PCDHGA1: variants seen among roughly 807,000 people sequenced by gnomAD.
PCDHGA1 encodes protocadherin gamma-A1.
Under a neutral mutation model 58.0 loss-of-function variants are expected in PCDHGA1, and 32 were observed. The ratio of observed to expected loss-of-function variants is 0.55; its 90% CI spans 0.42 to 0.74. PCDHGA1 has a LOEUF of 0.74. Ranked by LOEUF, PCDHGA1 falls within the 30% of genes least tolerant of loss-of-function variation. PCDHGA1 has a pLI of 0.00. For synonymous variants in PCDHGA1, 498 were observed against 501.1 expected, an observed-to-expected ratio of 0.99 and a Z score of 0.08; for missense variants, 1,205 against 1,182.3, an observed-to-expected ratio of 1.02 and a Z score of -0.28.
intron 1 of PCDHGA1, among the ~76,000 whole-genome samples, chr5:141,449,762 G>T (rs909809198): frequency 6.6e-6 from 1 of 151,458 alleles, no homozygotes; most frequent in Non-Finnish European, 1.5e-5. Context: ...ACATTTGAGA[G>T]TAAGTTGTAG....
At chr5:141,445,808 T>A (rs1004030960) in intron 1 of PCDHGA1, among the ~76,000 whole-genome samples, 1 of 152,182 alleles carries the variant, frequency 6.6e-6, no homozygotes, top group Non-Finnish European at 1.5e-5. Flanking sequence ...AATAAATAGA[T>A]GAAACTAATA....
chr5:141,362,675 T>C (rs1187670127), intron 1 of PCDHGA1: 1 of 1,249,402 alleles, frequency 8.0e-7, no homozygotes, highest in Admixed American at 2.8e-5. Context: ...TGTGCCTTAA[T>C]TGTCTTAATC....
chr5:141,421,322 T>TC (rs761059925), intron 1 of PCDHGA1: 24 of 1,613,746 alleles, frequency 1.5e-5, no homozygotes, highest in Middle Eastern at 1.6e-4. Flanking sequence ...GCCAGGCAGA[T>TC]CCGATATTCG....
Position 141,491,245 on chromosome 5 carries a change from G to A in PCDHGA1, c.2422-3562G>A, listed in dbSNP as rs1171588507. ...CACAGTGCTGCTGGTTCTGGAGGATGAGGACCCTGAGGAAATGCCCAAATC... is the reference window on the plus strand; with the variant it reads ...CACAGTGCTGCTGGTTCTGGAGGATAAGGACCCTGAGGAAATGCCCAAATC... On this transcript the variant is annotated intron_variant, in intron 1 of 3. Transcript: ENST00000517417. The surrounding 1 kb of genome is among the most constrained non-coding windows in gnomAD (Gnocchi z 6.9). 2 of 1,614,086 alleles carry A rather than the reference G, an allele frequency of 1.2e-6. No individual in the cohort carries two copies. Among genetic ancestry groups the A allele is most frequent in the East Asian group, 4.5e-5 (2 of 44,888 alleles).
At chr5:141,414,472 A>C (rs1039987036) in intron 1 of PCDHGA1, 5 of 1,613,796 alleles carry the variant, frequency 3.1e-6, no homozygotes, top group African/African-American at 1.3e-5. Flanking sequence ...AGATGGGGGA[A>C]GTCCTCCTCT....
At chr5:141,415,895 G>A in intron 1 of PCDHGA1, 1 of 898,210 alleles carries the variant, frequency 1.1e-6, no homozygotes, top group Non-Finnish European at 1.5e-6. Flanking sequence ...CAATTCCTAA[G>A]ACAGACTTCC....
At chr5:141,365,314 T>A in intron 1 of PCDHGA1, 1 of 1,613,862 alleles carries the variant, frequency 6.2e-7, no homozygotes, top group East Asian at 2.2e-5. Context: ...GCGCTCTTGT[T>A]GCCAGCGCTA....
At chr5:141,365,213 G>A in intron 1 of PCDHGA1, 1 of 1,613,930 alleles carries the variant, frequency 6.2e-7, no homozygotes, top group Non-Finnish European at 8.5e-7. Flanking sequence ...TTTCCAACTT[G>A]ATTCCAACCT....
At chr5:141,361,064 A>G in intron 1 of PCDHGA1, 3 of 1,613,918 alleles carry the variant, frequency 1.9e-6, no homozygotes, top group Non-Finnish European at 2.5e-6. Context: ...TTGGATTTTG[A>G]GATTGCAAGT....
chr5:141,403,189 G>A (rs1234686339), intron 1 of PCDHGA1: 2 of 1,613,860 alleles, frequency 1.2e-6, no homozygotes, highest in South Asian at 1.1e-5. Flanking sequence ...CTCTGAACCC[G>A]CGCAGCGGCA....
Position 141,487,295 on chromosome 5 carries a change from T to C in PCDHGA1, c.2422-7512T>C, listed in dbSNP as rs2099642474. The C allele has an allele frequency of 5.6e-6, 9 of 1,614,164 alleles. No individual in the cohort carries two copies. In the East Asian group the frequency reaches 1.3e-4, roughly 24 times the overall value. ...AATTTGCTTTGTCTCCTTTGGCTCA[T>C]TCGTGGCACTACTCTCTAAGTGTCT... On this transcript the variant is annotated intron_variant, in intron 1 of 3. Transcript: ENST00000517417. This position sits in a 1 kb window ranked among gnomAD's most constrained non-coding sequence, Gnocchi z 5.0.
In PCDHGA1 at chr5:141,360,095, C is replaced by G. The variant is rs1402675837; in HGVS notation, c.2421+26990C>G. On this transcript the variant is annotated intron_variant, in intron 1 of 3. Coordinates refer to ENST00000517417, the MANE Select transcript of PCDHGA1 (RefSeq NM_018912.3). Reference sequence around the variant, plus strand: ...CCCGGATTCTGCCATCCCCGGAAGGCTTATTCCTCCTATGGGCAAAGGAGC... The same window carrying G: ...CCCGGATTCTGCCATCCCCGGAAGGGTTATTCCTCCTATGGGCAAAGGAGC... 8 of 1,523,900 alleles carry G rather than the reference C, an allele frequency of 5.2e-6. No individual in the cohort carries two copies. The African/African-American group carries it at 1.1e-4, about 21-fold the overall frequency. The allele number at this position is 1,523,900 out of a possible 1,614,324, so 94.4% of individuals were successfully genotyped here.
At chr5:141,429,361 A>G (rs2097205912) in intron 1 of PCDHGA1, among the ~76,000 whole-genome samples, 1 of 150,698 alleles carries the variant, frequency 6.6e-6, no homozygotes, top group East Asian at 1.9e-4. Context: ...AATGCATGAG[A>G]AAATGGAGAA....
intron 1 of PCDHGA1, among the ~76,000 whole-genome samples, chr5:141,467,758 C>CTCAA (rs933308513): frequency 6.6e-5 from 10 of 152,018 alleles, no homozygotes; most frequent in Admixed American, 5.9e-4. Flanking sequence ...GCCTCACATG[C>CTCAA]TCAAGTGCCC....
rs777988497 is a variant in PCDHGA1, at chr5:141,356,894, C to A, written c.2421+23789C>A. The A allele has an allele frequency of 1.9e-6, 3 of 1,614,214 alleles. No homozygotes were observed. In the South Asian group the frequency reaches 3.3e-5, roughly 18 times the overall value. On this transcript the variant is annotated intron_variant, in intron 1 of 3. Transcript: ENST00000517417. Reference sequence around the variant, plus strand: ...GACAATGTCCCTGAGATCCTGTACCCCACCTTCCCTACTGATGGCTCCACT... The same window carrying A: ...GACAATGTCCCTGAGATCCTGTACCACACCTTCCCTACTGATGGCTCCACT...
rs1561561698 is a variant in PCDHGA1 at position 141,374,186 on chromosome 5, A to G, written c.2421+41081A>G. 5 of 1,613,668 alleles carry G rather than the reference A, an allele frequency of 3.1e-6. No individual in the cohort carries two copies. The highest frequency in any genetic ancestry group is 3.3e-5 in the Admixed American group (2 of 60,008). On this transcript the variant is annotated intron_variant, in intron 1 of 3. Transcript: ENST00000517417. ...CGCGGCAGCGCAGATCCGCTACTCT[A>G]TTCCCGAGGAGCTGGAGAAAGGCTC... is the stretch of plus-strand genomic sequence containing the variant.
chr5:141,486,253 C>G lies in PCDHGA1; in HGVS notation c.2422-8554C>G. On this transcript the variant is annotated intron_variant, in intron 1 of 3. Coordinates refer to ENST00000517417, the MANE Select transcript of PCDHGA1 (RefSeq NM_018912.3). The surrounding 1 kb of genome is among the most constrained non-coding windows in gnomAD (Gnocchi z 5.0). Reference sequence around the variant, plus strand: ...TGACCTCAGAGCTTGGAACCCTCCCCGAGAGTGCAGAACCTGGCACTGTGG... The same window carrying G: ...TGACCTCAGAGCTTGGAACCCTCCCGGAGAGTGCAGAACCTGGCACTGTGG... The G allele has an allele frequency of 6.2e-7, 1 of 1,614,138 alleles. No homozygotes were observed. Among genetic ancestry groups the G allele is most frequent in the East Asian group, 2.2e-5 (1 of 44,866 alleles).
At chr5:141,424,784 C>T (rs1351935601) in intron 1 of PCDHGA1, 2 of 152,062 alleles carry the variant, frequency 1.3e-5, no homozygotes, top group Non-Finnish European at 2.9e-5. Context: ...ACATTCAGTT[C>T]TTTTATTCAG....
intron 1 of PCDHGA1, among the ~76,000 whole-genome samples, chr5:141,405,996 G>A (rs2094743914): frequency 6.6e-6 from 1 of 151,746 alleles, no homozygotes; most frequent in Non-Finnish European, 1.5e-5. Flanking sequence ...GTAGCTCTCA[G>A]CCTGCATTGA....
Sources: gnomAD v4.1 joint callset for allele counts (sites outside exome capture counted in the v4.1 genomes callset) on GRCh38, gnomAD v4.1.1 for gene constraint, Gnocchi (gnomAD v3.1) non-coding constraint, MANE v1.5 for transcripts, NCBI Gene and HGNC (gene_info 2026-07-23, HGNC 2026-07-21) for gene names.